Variants in CNTN5 observed in about 807,000 individuals in gnomAD.
CNTN5 encodes contactin 5.
CNTN5 carries 77 observed loss-of-function variants against 129.1 expected under a neutral mutation model. That is an observed-to-expected ratio of 0.60 (90% CI 0.50 to 0.72). The LOEUF (loss-of-function observed/expected upper bound fraction) is 0.72. Ranked by LOEUF, CNTN5 falls within the 30% of genes least tolerant of loss-of-function variation. The pLI is 0.00. For synonymous variants in CNTN5, 509 were observed against 465.6 expected, an observed-to-expected ratio of 1.09 and a Z score of -1.20; for missense variants, 1,478 against 1,328.8, an observed-to-expected ratio of 1.11 and a Z score of -1.75.
chr11:99,305,980 CA>C (rs34529490), intron 1 of CNTN5, among the ~76,000 whole-genome samples: 15 of 136,114 alleles, frequency 1.1e-4, no homozygotes, highest in Middle Eastern at 3.9e-3. Context: ...AACTCCGCCT[CA>C]AAAAAAAAAG....
intron 1 of CNTN5, among the ~76,000 whole-genome samples, chr11:99,191,848 C>T (rs1049960224): frequency 6.6e-5 from 10 of 151,494 alleles, no homozygotes; most frequent in African/African-American, 2.4e-4. Flanking sequence ...CAATAAATGT[C>T]CACATTAAAA....
chr11:99,378,784 C>T (rs747951608), intron 2 of CNTN5, among the ~76,000 whole-genome samples: 12 of 152,012 alleles, frequency 7.9e-5, no homozygotes, highest in Non-Finnish European at 1.3e-4. Context: ...TATAGGTTCA[C>T]TGCAATTAAA....
chr11:99,412,692 G>A (rs936674635), intron 2 of CNTN5, among the ~76,000 whole-genome samples: 2 of 152,076 alleles, frequency 1.3e-5, no homozygotes, highest in Non-Finnish European at 2.9e-5. Flanking sequence ...TCCCGAGGTC[G>A]CCATGCCACA....
intron 17 of CNTN5, among the ~76,000 whole-genome samples, chr11:100,269,595 G>A (rs1417631264): frequency 6.6e-6 from 1 of 152,028 alleles, no homozygotes; most frequent in Non-Finnish European, 1.5e-5. Context: ...AGTTTCTATT[G>A]GAGTAAAAAG....
chr11:99,931,579 T>C (rs1371934081), intron 7 of CNTN5, among the ~76,000 whole-genome samples: 3 of 152,204 alleles, frequency 2.0e-5, no homozygotes, highest in Admixed American at 6.5e-5. Context: ...ATCTTTATAG[T>C]CTACACAGAA....
chr11:99,808,204 G>A (rs1351538871), intron 3 of CNTN5, among the ~76,000 whole-genome samples: 1 of 152,202 alleles, frequency 6.6e-6, no homozygotes, highest in Non-Finnish European at 1.5e-5. Flanking sequence ...AGGTTTTGTT[G>A]AATATTGTGC....
intron 7 of CNTN5, among the ~76,000 whole-genome samples, chr11:99,944,199 C>T (rs576933112): frequency 2.6e-5 from 4 of 152,046 alleles, no homozygotes; most frequent in Admixed American, 2.6e-4. Context: ...AAATTTATAG[C>T]ACTAAATGCC....
chr11:99,815,407 G>T (rs1365113409), intron 3 of CNTN5, among the ~76,000 whole-genome samples: 1 of 152,058 alleles, frequency 6.6e-6, no homozygotes, highest in Non-Finnish European at 1.5e-5. Context: ...GAAAAGGGCT[G>T]GGCAGCTAAG....
At chr11:100,324,034 A>T (rs1009276725) in intron 21 of CNTN5, among the ~76,000 whole-genome samples, 6 of 152,184 alleles carry the variant, frequency 3.9e-5, no homozygotes, top group African/African-American at 7.2e-5. Flanking sequence ...TTAAATTAAG[A>T]TATATTAAAC....
intron 3 of CNTN5, among the ~76,000 whole-genome samples, chr11:99,608,438 A>G (rs1308152173): frequency 7.2e-5 from 11 of 152,194 alleles, no homozygotes. Context: ...CTCCCTGGTC[A>G]GAATGTGACT....
chr11:99,187,123 G>C (rs17133210), intron 1 of CNTN5, among the ~76,000 whole-genome samples: 1 of 151,676 alleles, frequency 6.6e-6, no homozygotes, highest in African/African-American at 2.4e-5. Flanking sequence ...AAAATTCTAC[G>C]TGTATCCAGT....
intron 1 of CNTN5, among the ~76,000 whole-genome samples, chr11:99,187,307 A>C (rs1045738582): frequency 1.3e-5 from 2 of 151,710 alleles, no homozygotes; most frequent in Non-Finnish European, 2.9e-5. Flanking sequence ...AAGTCTGCGA[A>C]ATAAAGGAAA....
At chr11:99,500,205 C>A (rs1004817701) in intron 2 of CNTN5, among the ~76,000 whole-genome samples, 2 of 152,140 alleles carry the variant, frequency 1.3e-5, no homozygotes, top group African/African-American at 4.8e-5. Flanking sequence ...GAAAGTATTA[C>A]AAATTATTGC....
At chr11:100,247,828 T>G (rs1591434589) in intron 16 of CNTN5, among the ~76,000 whole-genome samples, 1 of 152,312 alleles carries the variant, frequency 6.6e-6, no homozygotes, top group South Asian at 2.1e-4. Flanking sequence ...CTACATATCC[T>G]TTTCCATTGA....
intron 2 of CNTN5, among the ~76,000 whole-genome samples, chr11:99,415,775 C>T (rs1309999253): frequency 1.3e-5 from 2 of 152,116 alleles, no homozygotes; most frequent in African/African-American, 2.4e-5. Flanking sequence ...AACAGATAGT[C>T]GTGCAATCAT....
intron 1 of CNTN5, among the ~76,000 whole-genome samples, chr11:99,034,304 C>T (rs1445572226): frequency 6.6e-6 from 1 of 151,976 alleles, no homozygotes; most frequent in Non-Finnish European, 1.5e-5. Flanking sequence ...AGGGAGGATT[C>T]CCTCTTTTTC....
intron 2 of CNTN5, among the ~76,000 whole-genome samples, chr11:99,509,389 G>A (rs1946749552): frequency 6.6e-6 from 1 of 152,092 alleles, no homozygotes; most frequent in South Asian, 2.1e-4. Flanking sequence ...TTTAATAGAG[G>A]AAATTAAGAT....
intron 1 of CNTN5, among the ~76,000 whole-genome samples, chr11:99,241,467 A>G (rs1287929983): frequency 2.0e-5 from 3 of 151,964 alleles, no homozygotes; most frequent in African/African-American, 7.2e-5. Context: ...TGAGCACCAA[A>G]ATCACTAAAT....
intron 15 of CNTN5, among the ~76,000 whole-genome samples, chr11:100,211,317 A>G (rs1050443173): frequency 9.9e-5 from 15 of 152,184 alleles, no homozygotes; most frequent in African/African-American, 3.6e-4. Context: ...TAGCAGGACA[A>G]CATCGTAGCA....
Sources: allele counts gnomAD v4.1 joint callset (sites outside exome capture counted in the v4.1 genomes callset), GRCh38; gene constraint gnomAD v4.1.1; transcripts MANE v1.5; gene names NCBI Gene and HGNC (gene_info 2026-07-23, HGNC 2026-07-21).